The following THSD7B variants were observed in gnomAD, a reference collection of about 807,000 sequenced individuals.
THSD7B encodes thrombospondin type-1 domain-containing protein 7B.
A neutral mutation model predicts 213.6 loss-of-function variants in THSD7B; 138 were observed. The ratio of observed to expected loss-of-function variants is 0.65; its 90% CI spans 0.56 to 0.74. The LOEUF (loss-of-function observed/expected upper bound fraction) is 0.74. THSD7B is among the 30% of genes least tolerant of loss of function. THSD7B has a pLI of 0.00. For missense variants in THSD7B, 1,931 were observed against 1,991.5 expected (o/e 0.97, Z 0.58); for synonymous variants, 742 against 687.0 (o/e 1.08, Z -1.25).
chr2:136,927,453 A>G (rs1240336111), intron 2 of THSD7B, among the ~76,000 whole-genome samples: 1 of 152,194 alleles, frequency 6.6e-6, no homozygotes, highest in Non-Finnish European at 1.5e-5. Flanking sequence ...CTGCCACTCC[A>G]GTAGAACCTA....
intron 17 of THSD7B, among the ~76,000 whole-genome samples, chr2:137,576,169 AAC>A (rs1483831856): frequency 6.6e-6 from 1 of 152,130 alleles, no homozygotes; most frequent in Non-Finnish European, 1.5e-5. Context: ...TCCATTGAGT[AAC>A]ACAGATTTTC....
At chr2:137,565,810 A>T (rs2105227003) in intron 16 of THSD7B, among the ~76,000 whole-genome samples, 1 of 152,262 alleles carries the variant, frequency 6.6e-6, no homozygotes, top group Non-Finnish European at 1.5e-5. Context: ...CACCAGTCTC[A>T]TCATGGTGGC....
chr2:137,092,600 ATG>A (rs1364784425), intron 3 of THSD7B, among the ~76,000 whole-genome samples: 1 of 151,990 alleles, frequency 6.6e-6, no homozygotes. Flanking sequence ...TCCCCCATTT[ATG>A]TGTTTTCCCA....
chr2:136,800,967 A>C (rs557236230), intron 1 of THSD7B, among the ~76,000 whole-genome samples: 1 of 152,030 alleles, frequency 6.6e-6, no homozygotes, highest in Non-Finnish European at 1.5e-5. Context: ...ACACACCCAG[A>C]GTCACCTTAT....
chr2:137,640,770 C>G (rs1312909685), intron 20 of THSD7B, among the ~76,000 whole-genome samples: 2 of 152,174 alleles, frequency 1.3e-5, no homozygotes, highest in Non-Finnish European at 2.9e-5. Context: ...ATTATTGTAT[C>G]ACACATTTGC....
At chr2:137,048,952 T>C (rs1687015650) in intron 2 of THSD7B, among the ~76,000 whole-genome samples, 1 of 152,174 alleles carries the variant, frequency 6.6e-6, no homozygotes, top group Non-Finnish European at 1.5e-5. Context: ...ATTCAGCTGG[T>C]CTCTCTTTCT....
At chr2:137,124,519 A>G (rs1688599502) in intron 5 of THSD7B, among the ~76,000 whole-genome samples, 1 of 152,172 alleles carries the variant, frequency 6.6e-6, no homozygotes, top group Admixed American at 6.6e-5. Flanking sequence ...AGGAATAATT[A>G]AATGACTCCT....
chr2:137,464,255 C>T (rs1687943918), intron 15 of THSD7B, among the ~76,000 whole-genome samples: 1 of 152,046 alleles, frequency 6.6e-6, no homozygotes, highest in African/African-American at 2.4e-5. Context: ...ATATACTACT[C>T]AGTTCCCACA....
chr2:137,172,149 C>T (rs1680265900), intron 7 of THSD7B, among the ~76,000 whole-genome samples: 1 of 152,134 alleles, frequency 6.6e-6, no homozygotes, highest in Admixed American at 6.5e-5. Context: ...CACAGAGCTC[C>T]TAAAACCCTG....
chr2:137,077,360 C>A (rs1029600818), intron 3 of THSD7B, among the ~76,000 whole-genome samples: 1 of 152,104 alleles, frequency 6.6e-6, no homozygotes, highest in Non-Finnish European at 1.5e-5. Context: ...ATGGCTGGGT[C>A]AAACAGGATT....
intron 14 of THSD7B, among the ~76,000 whole-genome samples, chr2:137,435,580 C>T (rs773783122): frequency 1.6e-4 from 24 of 152,036 alleles, no homozygotes; most frequent in Non-Finnish European, 2.9e-4. Flanking sequence ...TTTTTTCTGT[C>T]CTTATATTTG....
intron 14 of THSD7B, among the ~76,000 whole-genome samples, chr2:137,425,637 C>G (rs1347674193): frequency 1.3e-5 from 2 of 152,138 alleles, no homozygotes; most frequent in East Asian, 3.9e-4. Context: ...TGGAACCAAT[C>G]CCCTGTAGAA....
At chr2:137,156,945 T>G (rs143736953) in intron 5 of THSD7B, among the ~76,000 whole-genome samples, 1 of 152,274 alleles carries the variant, frequency 6.6e-6, no homozygotes, top group East Asian at 1.9e-4. Context: ...GAGATAGTCA[T>G]GGCAAGGAAA....
chr2:137,189,491 C>T (rs4954479), intron 7 of THSD7B, among the ~76,000 whole-genome samples: 69,344 of 151,652 alleles, frequency 0.46, 18,750 homozygotes, highest in East Asian at 0.87. Context: ...AGGTCAACGT[C>T]ACCCATGGCC....
intron 2 of THSD7B, among the ~76,000 whole-genome samples, chr2:136,942,633 A>G (rs1684848293): frequency 6.6e-6 from 1 of 152,154 alleles, no homozygotes; most frequent in African/African-American, 2.4e-5. Flanking sequence ...GAGTTGACTC[A>G]TGATTTGGCT....
chr2:136,945,133 C>T (rs1468423283), intron 2 of THSD7B, among the ~76,000 whole-genome samples: 3 of 152,130 alleles, frequency 2.0e-5, no homozygotes, highest in African/African-American at 7.2e-5. Context: ...GATTTTATTT[C>T]TCCTTCACTT....
intron 5 of THSD7B, among the ~76,000 whole-genome samples, chr2:137,142,546 T>C (rs1332890463): frequency 6.6e-6 from 1 of 152,178 alleles, no homozygotes; most frequent in African/African-American, 2.4e-5. Flanking sequence ...TTGTCTATTA[T>C]ACTATCTTAA....
At position 137,575,349 on chromosome 2, in the gene THSD7B, C is replaced by A. The variant is rs930475313; in HGVS notation, c.3423+2793C>A. Among the ~76,000 whole-genome samples the A allele has an allele frequency of 7.2e-5, 11 of 152,008 alleles. 1 individual carries two copies. The highest frequency in any genetic ancestry group is 7.2e-4 in the Admixed American group (11 of 15,236). ...GACAGGGAGCAGTACATTTTTTAAG[C>A]TATACAGGAAAGATCCCTTCCCCTG... On this transcript the variant is annotated intron_variant, in intron 17 of 27. Coordinates refer to ENST00000409968, the MANE Select transcript of THSD7B (RefSeq NM_001316349.2).
intron 1 of THSD7B, among the ~76,000 whole-genome samples, chr2:136,875,238 A>T (rs1028329363): frequency 1.3e-5 from 2 of 152,146 alleles, no homozygotes; most frequent in African/African-American, 4.8e-5. Context: ...GCTGGCCAAA[A>T]TGGTGAAACC....
Sources: allele counts gnomAD v4.1 joint callset (sites outside exome capture counted in the v4.1 genomes callset), GRCh38; gene constraint gnomAD v4.1.1; transcripts MANE v1.5; gene names NCBI Gene and HGNC (gene_info 2026-07-23, HGNC 2026-07-21).